LINGO2: variants seen among roughly 807,000 people sequenced by gnomAD.
The protein encoded by LINGO2 is leucine rich repeat and Ig domain containing 2.
A neutral mutation model predicts 30.6 loss-of-function variants in LINGO2; 14 were observed. That is an observed-to-expected ratio of 0.46 (90% CI 0.30 to 0.72). The LOEUF (loss-of-function observed/expected upper bound fraction) is 0.72. LINGO2 is among the 30% of genes least tolerant of loss of function. LINGO2 has a pLI of 0.07. For missense variants in LINGO2, 729 were observed against 751.7 expected, an observed-to-expected ratio of 0.97 and a Z score of 0.35; for synonymous variants, 317 against 288.5, an observed-to-expected ratio of 1.10 and a Z score of -1.00.
chr9:28,861,329 A>T, the LINGO2 span, among the ~76,000 whole-genome samples: 1 of 130,930 alleles, frequency 7.6e-6, no homozygotes, highest in Non-Finnish European at 1.6e-5. Context: ...ACTATATATA[A>T]TATATATTAT....
At chr9:28,994,609 C>T in the LINGO2 span, among the ~76,000 whole-genome samples, 70 of 151,246 alleles carry the variant, frequency 4.6e-4, no homozygotes, top group Non-Finnish European at 9.4e-4. Flanking sequence ...CGCTACCTGA[C>T]TTCAAACTAT....
chr9:28,301,377 CA>C (rs1010460423), intron 3 of LINGO2, among the ~76,000 whole-genome samples: 2 of 146,192 alleles, frequency 1.4e-5, no homozygotes, highest in South Asian at 2.2e-4. Context: ...AAAAAAAAAA[CA>C]AAAAAAACAG....
At chr9:28,525,349 A>G (rs1405478978) in intron 1 of LINGO2, among the ~76,000 whole-genome samples, 4 of 152,210 alleles carry the variant, frequency 2.6e-5, no homozygotes, top group Non-Finnish European at 5.9e-5. Context: ...AAGTGAAAAC[A>G]CACACCCATG....
chr9:28,822,046 C>T, the LINGO2 span, among the ~76,000 whole-genome samples: 1 of 152,124 alleles, frequency 6.6e-6, no homozygotes, highest in Non-Finnish European at 1.5e-5. Context: ...CTGGTCAGAG[C>T]AAGCCCAGAG....
chr9:28,367,344 A>T (rs2134545346), intron 3 of LINGO2, among the ~76,000 whole-genome samples: 1 of 152,198 alleles, frequency 6.6e-6, no homozygotes, highest in East Asian at 1.9e-4. Context: ...ATTGAACTGT[A>T]TTTGGTTTTA....
intron 4 of LINGO2, among the ~76,000 whole-genome samples, chr9:28,156,570 T>C (rs1301908257): frequency 6.6e-6 from 1 of 152,240 alleles, no homozygotes; most frequent in African/African-American, 2.4e-5. Context: ...CAATAATTGA[T>C]GTATGCTTTT....
the LINGO2 span, among the ~76,000 whole-genome samples, chr9:28,806,008 T>C: frequency 2.0e-5 from 3 of 152,326 alleles, no homozygotes; most frequent in Middle Eastern, 3.4e-3. Context: ...TACAATGAAA[T>C]ACACAGAATG....
the LINGO2 span, among the ~76,000 whole-genome samples, chr9:29,065,528 C>G: frequency 6.6e-6 from 1 of 152,040 alleles, no homozygotes; most frequent in Admixed American, 6.6e-5. Flanking sequence ...ATAGGATATG[C>G]TTTCCCCCAT....
At chr9:28,494,243 G>A (rs958701594) in intron 1 of LINGO2, among the ~76,000 whole-genome samples, 1 of 151,764 alleles carries the variant, frequency 6.6e-6, no homozygotes, top group Non-Finnish European at 1.5e-5. Context: ...CATACTTTAA[G>A]CACTAGGGTA....
At chr9:28,736,616 C>A in the LINGO2 span, among the ~76,000 whole-genome samples, 2 of 151,944 alleles carry the variant, frequency 1.3e-5, no homozygotes, top group African/African-American at 2.4e-5. Flanking sequence ...TATGGCGAAA[C>A]CCCATCTCTA....
the LINGO2 span, among the ~76,000 whole-genome samples, chr9:28,875,496 T>C: frequency 0.089 from 13,530 of 152,072 alleles, 678 homozygotes; most frequent in Middle Eastern, 0.13. Flanking sequence ...ACTTTACCAA[T>C]TGTCTCAAGA....
intron 4 of LINGO2, among the ~76,000 whole-genome samples, chr9:28,108,154 C>T (rs546900715): frequency 2.0e-4 from 31 of 152,190 alleles, no homozygotes; most frequent in South Asian, 8.3e-4. Context: ...CACTCGATTC[C>T]GAAAGCTCTC....
At chr9:28,884,932 TA>T in the LINGO2 span, among the ~76,000 whole-genome samples, 4 of 2,502 alleles carry the variant, frequency 1.6e-3, no homozygotes, top group Non-Finnish European at 3.9e-3. Context: ...TATATAATAT[TA>T]TATATAATAT....
At chr9:28,611,191 T>C (rs562805456) in intron 1 of LINGO2, among the ~76,000 whole-genome samples, 1 of 152,264 alleles carries the variant, frequency 6.6e-6, no homozygotes, top group African/African-American at 2.4e-5. Flanking sequence ...GGGAAAATAC[T>C]TTTTCCAGCT....
the LINGO2 span, among the ~76,000 whole-genome samples, chr9:28,709,238 T>C: frequency 6.6e-6 from 1 of 152,090 alleles, no homozygotes; most frequent in Non-Finnish European, 1.5e-5. Context: ...TTTTGTTTTT[T>C]AACTCTCATA....
the LINGO2 span, among the ~76,000 whole-genome samples, chr9:28,899,046 AC>A: frequency 9.9e-6 from 1 of 101,110 alleles, no homozygotes; most frequent in Non-Finnish European, 2.2e-5. Context: ...ATTAATTTGG[AC>A]AACTATTGTT....
chr9:28,328,126 T>C (rs956077302), intron 3 of LINGO2, among the ~76,000 whole-genome samples: 1 of 152,122 alleles, frequency 6.6e-6, no homozygotes, highest in Non-Finnish European at 1.5e-5. Context: ...TCATATATTG[T>C]ATCCAGAGGA....
At chr9:29,143,464 C>T in the LINGO2 span, among the ~76,000 whole-genome samples, 1 of 151,958 alleles carries the variant, frequency 6.6e-6, no homozygotes, top group Non-Finnish European at 1.5e-5. Context: ...AAATCAGATA[C>T]ATAGACAAGT....
Position 28,551,455 on chromosome 9 carries a change from A to C in LINGO2, c.-364-75430T>G, listed in dbSNP as rs77688197. 7.6e-3 allele frequency among the ~76,000 whole-genome samples: 1,157 copies of C among 152,120 alleles called. 37 individuals are homozygous for C. In the East Asian group the frequency reaches 0.096, roughly 13 times the overall value. ...CAAACTATTATTGAAATAGTTTAAT[A>C]GAGGTAGGGTTTTAGGTGATTTAAA... On this transcript the variant is annotated intron_variant, in intron 1 of 5. Transcript: ENST00000379992.
Sources: allele counts gnomAD v4.1 joint callset (sites outside exome capture counted in the v4.1 genomes callset), GRCh38; gene constraint gnomAD v4.1.1; transcripts MANE v1.5; gene names NCBI Gene and HGNC (gene_info 2026-07-23, HGNC 2026-07-21).